The following EMC10 variants were observed in gnomAD, a reference collection of about 807,000 sequenced individuals.
The protein encoded by EMC10 is UPF0510 protein INM02.
Under a neutral mutation model 32.2 loss-of-function variants are expected in EMC10, and 40 were observed. The ratio of observed to expected loss-of-function variants is 1.24; its 90% CI spans 0.96 to 1.61. The LOEUF (loss-of-function observed/expected upper bound fraction) is 1.61, where lower values mean the gene tolerates loss of function less well. Ranked by LOEUF, EMC10 falls within the 40% of genes most tolerant of loss-of-function variation. The probability of loss-of-function intolerance (pLI) is 0.00; values close to 1 mark genes in which losing one functional copy is unlikely to be tolerated. For missense variants in EMC10, 402 were observed against 357.7 expected (o/e 1.12, Z -1.00); for synonymous variants, 178 against 158.4 (o/e 1.12, Z -0.93).
At position 50,476,574 on chromosome 19, in the gene EMC10, G is replaced by C. The variant is rs751230432; in HGVS notation, c.30G>C (p.Arg10=). The change falls in exon 1 of 7, where the codon CGG becomes CGC. Residue 10 remains arginine, a synonymous_variant. Coordinates refer to ENST00000334976, the MANE Select transcript of EMC10 (RefSeq NM_206538.4). MAAASAGAT[R]LLLLLLMAVA... ...CGGCAGCCAGCGCTGGGGCAACCCG[G>C]CTGCTCCTGCTCTTGCTGATGGCGG... The C allele has an allele frequency of 3.2e-6, 5 of 1,575,046 alleles. No homozygotes were observed. Among genetic ancestry groups the C allele is most frequent in the South Asian group, 2.3e-5 (2 of 87,642 alleles).
At position 50,480,202 on chromosome 19, in the gene EMC10, C is replaced by T. The variant is rs1416371327; in HGVS notation, c.389C>T (p.Ser130Phe). The T allele has an allele frequency of 1.9e-6, 3 of 1,613,650 alleles. No individual in the cohort carries two copies. The highest frequency in any genetic ancestry group is 2.7e-5 in the African/African-American group (2 of 74,942). ...CTGGAAGCTGGTGGCTATGTCTCCT[C>T]CTTTGTCCCTGCGGTGAGTTGGTGT... ...DGLEAGGYVS[S>F]FVPACSLVES... Residue 130 changes from serine to phenylalanine, a missense_variant, in exon 4 of 7, where the codon TCC becomes TTC. Physicochemically the swap from Ser to Phe is radical, Grantham distance 155 (BLOSUM62 -2). Transcript: ENST00000334976. This position sits in a 1 kb window ranked among gnomAD's most constrained non-coding sequence, Gnocchi z 4.4.
rs1282879979 is a variant in EMC10, at chr19:50,482,642, A to G, written c.*383A>G. 4.1e-6 allele frequency: 2 copies of G among 483,016 alleles called. No homozygotes were observed. Among genetic ancestry groups the G allele is most frequent in the East Asian group, 6.6e-5 (2 of 30,376 alleles). 29.9% of individuals were successfully genotyped at this position (483,016 alleles called of 1,614,324 possible). Reference sequence around the variant, plus strand: ...TCTCCAGCCTCTGTGCCTTTGTTCCAGGTGGTCTCACCCTCCTGTCCCTGG... The same window carrying G: ...TCTCCAGCCTCTGTGCCTTTGTTCCGGGTGGTCTCACCCTCCTGTCCCTGG... On this transcript the variant is annotated 3_prime_UTR_variant, in exon 7 of 7. Coordinates refer to ENST00000334976, the MANE Select transcript of EMC10 (RefSeq NM_206538.4).
chr19:50,482,982 G>T lies in EMC10; in HGVS notation c.*723G>T. On this transcript the variant is annotated 3_prime_UTR_variant, in exon 7 of 7. Transcript: ENST00000334976. ...AAGAAAACAAAACCAACAGTTAGTG[G>T]AGTCAAAGCCCAGACACTGTAAATA... 1.7e-6 allele frequency: 1 copy of T among 578,062 alleles called. No homozygotes were observed. The highest frequency in any genetic ancestry group is 3.1e-6 in the Non-Finnish European group (1 of 317,604). 35.8% of individuals were successfully genotyped at this position (578,062 alleles called of 1,614,324 possible). A position where few individuals can be genotyped will look rare whatever the true frequency, so the allele number is the denominator to read the frequency against.
intron 6 of EMC10, chr19:50,481,355 T>C: frequency 4.4e-6 from 1 of 225,514 alleles, no homozygotes; most frequent in South Asian, 1.1e-4. Flanking sequence ...CCGGGAGGGA[T>C]GTGGCCCAGG....
Position 50,480,249 on chromosome 19 carries a change from C to A in EMC10, c.402+34C>A. Reference sequence around the variant, plus strand: ...GTGTCGGGGATGAGCCCCCTTCTCCCTCGTCCTCCTCATCCCCTACCCTGG... The same window carrying A: ...GTGTCGGGGATGAGCCCCCTTCTCCATCGTCCTCCTCATCCCCTACCCTGG... On this transcript the variant is annotated intron_variant, in intron 4 of 6. Transcript: ENST00000334976. This position sits in a 1 kb window ranked among gnomAD's most constrained non-coding sequence, Gnocchi z 4.4. The A allele has an allele frequency of 6.4e-7, 1 of 1,571,082 alleles. No homozygotes were observed. The highest frequency in any genetic ancestry group is 2.3e-5 in the East Asian group (1 of 44,308).
At position 50,482,381 on chromosome 19, in the gene EMC10, G is replaced by C. The variant is rs577208299; in HGVS notation, c.*122G>C. 26 of 611,966 alleles carry C rather than the reference G, an allele frequency of 4.2e-5. No individual in the cohort carries two copies. The highest frequency in any genetic ancestry group is 1.7e-4 in the Admixed American group (6 of 34,766). The allele number at this position is 611,966 out of a possible 1,614,324, so 37.9% of individuals were successfully genotyped here. A position where few individuals can be genotyped will look rare whatever the true frequency, so the allele number is the denominator to read the frequency against. On this transcript the variant is annotated 3_prime_UTR_variant, in exon 7 of 7. Transcript: ENST00000334976. ...GGTCCCTCCTTTCCCCCCGTCCCAC[G>C]AGGCCACCTGGGCCAGCCCCTTGTC...
chr19:50,479,967 C>G (rs1315226766), intron 3 of EMC10, 144 bp from the exon 4 acceptor site: 1 of 654,340 alleles, frequency 1.5e-6, no homozygotes, highest in African/African-American at 1.8e-5. Context: ...AGTCCTGGGT[C>G]GACTCAGGTT....
intron 1 of EMC10, among the ~76,000 whole-genome samples, chr19:50,477,610 A>G (rs115310529): frequency 0.013 from 2,007 of 152,264 alleles, 42 homozygotes; most frequent in African/African-American, 0.046. Context: ...AGCATGAAAA[A>G]GAAGGCTTGG....
chr19:50,480,622 G>C lies in EMC10; in HGVS notation c.444G>C (p.Leu148=), dbSNP rs146544770. The C allele has an allele frequency of 1.1e-4, 169 of 1,575,272 alleles. No individual in the cohort carries two copies. The African/African-American group carries it at 2.0e-3, about 19-fold the overall frequency. ...CGCACCTGTCGGACCAGCTGACCCT[G>C]CACGTGGATGTGGCCGGCAACGTGG... is the stretch of plus-strand genomic sequence containing the variant. ...VESHLSDQLT[L]HVDVAGNVVG... Residue 148 remains leucine (L), a synonymous_variant, in exon 5 of 7, where the codon CTG becomes CTC. Transcript: ENST00000334976. This position sits in a 1 kb window ranked among gnomAD's most constrained non-coding sequence, Gnocchi z 4.4.
rs1033297079 is a variant in EMC10 at position 50,482,043 on chromosome 19, T to TC, written c.679-102dup. 6 of 1,494,746 alleles carry TC rather than the reference T, an allele frequency of 4.0e-6. No individual in the cohort carries two copies. In the East Asian group the frequency reaches 1.4e-4, roughly 34 times the overall value. 92.6% of individuals were successfully genotyped at this position (1,494,746 alleles called of 1,614,324 possible). A position where few individuals can be genotyped will look rare whatever the true frequency, so the allele number is the denominator to read the frequency against. The stretch of plus-strand genomic sequence containing the variant: ...CTGGGCGCCCTCCCCTTACGCGACC[T>TC]CCCCTCATGCCGGTCCCCACCGTGG... On this transcript the variant is annotated intron_variant, in intron 6 of 6. Transcript: ENST00000334976.
chr19:50,482,179 C>G lies in EMC10; in HGVS notation c.709C>G (p.Leu237Val), dbSNP rs1298033168. The G allele has an allele frequency of 6.3e-7, 1 of 1,594,460 alleles. No homozygotes were observed. Among genetic ancestry groups the G allele is most frequent in the South Asian group, 1.1e-5 (1 of 90,596 alleles). ...WMYIIPVVLFLMMSGAPDTGG... is the reference protein window; with the variant it reads ...WMYIIPVVLFVMMSGAPDTGG... ...GTACATCATTCCCGTCGTCCTGTTC[C>G]TCATGATGTCAGGAGCGCCAGACAC... The change falls in exon 7 of 7, where the codon CTC becomes GTC. Residue 237 changes from leucine (L) to valine (V), a missense_variant. By Grantham distance (32) the Leu-to-Val change is conservative (BLOSUM62 1). Transcript: ENST00000334976.
chr19:50,483,030 C>T lies in EMC10; in HGVS notation c.*771C>T. On this transcript the variant is annotated 3_prime_UTR_variant, in exon 7 of 7. Coordinates refer to ENST00000334976, the MANE Select transcript of EMC10 (RefSeq NM_206538.4). Reference sequence around the variant, plus strand: ...ATAGAACCCCCTCCACCACCCCCCGCCGCCCAGCATCCTACCTGGACTGCG... The same window carrying T: ...ATAGAACCCCCTCCACCACCCCCCGTCGCCCAGCATCCTACCTGGACTGCG... The T allele has an allele frequency of 1.8e-6, 1 of 558,004 alleles. No homozygotes were observed. Among genetic ancestry groups the T allele is most frequent in the Non-Finnish European group, 3.4e-6 (1 of 294,524 alleles). 34.6% of individuals were successfully genotyped at this position (558,004 alleles called of 1,614,324 possible). A position where few individuals can be genotyped will look rare whatever the true frequency, so the allele number is the denominator to read the frequency against.
chr19:50,486,683 T>G lies in EMC10; in HGVS notation c.*4424T>G, dbSNP rs1324447136. The G allele has an allele frequency of 6.6e-6, 1 of 152,188 alleles. No homozygotes were observed. The highest frequency in any genetic ancestry group is 1.5e-5 in the Non-Finnish European group (1 of 68,028). 9.4% of individuals were successfully genotyped at this position (152,188 alleles called of 1,614,324 possible). A position where few individuals can be genotyped will look rare whatever the true frequency, so the allele number is the denominator to read the frequency against. ...AAATGCAATCTCCCAAACAGGTTTG[T>G]GTGAACCAAATTCCATTTTCCTTTG... is the stretch of plus-strand genomic sequence containing the variant. On this transcript the variant is annotated 3_prime_UTR_variant, in exon 7 of 7. Coordinates refer to ENST00000334976, the MANE Select transcript of EMC10 (RefSeq NM_206538.4).
Position 50,484,620 on chromosome 19 carries a change from C to A in EMC10, c.*2361C>A, listed in dbSNP as rs1275134162. 1 of 152,106 alleles carries A rather than the reference C, an allele frequency of 6.6e-6. No individual in the cohort carries two copies. The highest frequency in any genetic ancestry group is 1.5e-5 in the Non-Finnish European group (1 of 68,024). 9.4% of individuals were successfully genotyped at this position (152,106 alleles called of 1,614,324 possible). ...GGCCGGTCCTTGGGGAACCCACTCACTATTTTATTTTATTGACCGGGTTAT... is the reference window on the plus strand; with the variant it reads ...GGCCGGTCCTTGGGGAACCCACTCAATATTTTATTTTATTGACCGGGTTAT... On this transcript the variant is annotated 3_prime_UTR_variant, in exon 7 of 7. Transcript: ENST00000334976.
chr19:50,479,684 G>A (rs1396860581), intron 3 of EMC10, among the ~76,000 whole-genome samples: 1 of 152,232 alleles, frequency 6.6e-6, no homozygotes, highest in East Asian at 1.9e-4. Context: ...GTGGCCACGC[G>A]GTGAGGTCTG....
chr19:50,482,137 G>C lies in EMC10; in HGVS notation c.679-12G>C. On this transcript the variant is annotated splice_polypyrimidine_tract_variant and intron_variant, in intron 6 of 6. Coordinates refer to ENST00000334976, the MANE Select transcript of EMC10 (RefSeq NM_206538.4). Reference sequence around the variant, plus strand: ...TCTGTGTCTGTCTGTCCATCCTTCCGTCCGGCTGCAGTGGATGTACATCAT... The same window carrying C: ...TCTGTGTCTGTCTGTCCATCCTTCCCTCCGGCTGCAGTGGATGTACATCAT... The C allele has an allele frequency of 6.5e-7, 1 of 1,545,890 alleles. No homozygotes were observed. Among genetic ancestry groups the C allele is most frequent in the African/African-American group, 1.4e-5 (1 of 73,268 alleles).
In EMC10 at chr19:50,483,231, C is replaced by G. The variant is rs747924572; in HGVS notation, c.*972C>G. 106 of 422,376 alleles carry G rather than the reference C, an allele frequency of 2.5e-4. 1 individual carries two copies. Among genetic ancestry groups the G allele is most frequent in the Non-Finnish European group, 3.5e-4 (72 of 206,722 alleles). 26.2% of individuals were successfully genotyped at this position (422,376 alleles called of 1,614,324 possible). On this transcript the variant is annotated 3_prime_UTR_variant, in exon 7 of 7. Transcript: ENST00000334976. ...GATGTACAAGCTTGATTGAAATTCA[C>G]TGCTCACTTGATACGTTATTCAGAA...
intron 1 of EMC10, 64 bp from the exon 2 acceptor site, chr19:50,477,865 G>GCA (rs2040253195): frequency 8.2e-6 from 11 of 1,342,740 alleles, no homozygotes; most frequent in Non-Finnish European, 1.1e-5. Flanking sequence ...CCTGGGTTCT[G>GCA]TGGGTGACTA....
chr19:50,482,406 C>A lies in EMC10; in HGVS notation c.*147C>A. 5.0e-6 allele frequency: 3 copies of A among 599,260 alleles called. No homozygotes were observed. The highest frequency in any genetic ancestry group is 8.9e-6 in the Non-Finnish European group (3 of 336,092). The allele number at this position is 599,260 out of a possible 1,614,324, so 37.1% of individuals were successfully genotyped here. On this transcript the variant is annotated 3_prime_UTR_variant, in exon 7 of 7. Transcript: ENST00000334976. ...GAGGCCACCTGGGCCAGCCCCTTGT[C>A]CTCTGCCTTCTGCTGGCAGAGGAGC... is the stretch of plus-strand genomic sequence containing the variant.
Sources: gnomAD v4.1 joint callset for allele counts (sites outside exome capture counted in the v4.1 genomes callset) on GRCh38, gnomAD v4.1.1 for gene constraint, Gnocchi (gnomAD v3.1) non-coding constraint, MANE v1.5 for transcripts, NCBI Gene and HGNC (gene_info 2026-07-23, HGNC 2026-07-21) for gene names.